The following CASZ1 variants were observed in gnomAD, a reference collection of about 807,000 sequenced individuals.
CASZ1 encodes the protein zinc finger protein castor homolog 1.
CASZ1 carries 28 observed loss-of-function variants against 135.2 expected under a neutral mutation model. That is an observed-to-expected ratio of 0.21 (90% confidence interval 0.15 to 0.28). CASZ1 has a LOEUF of 0.28. Among genes scored for constraint, CASZ1 ranks in the 10% least tolerant of loss-of-function variants. CASZ1 has a pLI of 1.00. For synonymous variants in CASZ1, 1,068 were observed against 1,073.4 expected (o/e 0.99, Z 0.10); for missense variants, 2,161 against 2,453.3 (o/e 0.88, Z 2.52).
In CASZ1 at chr1:10,676,970, G is replaced by T. The variant is rs1156736680; in HGVS notation, c.17-11399C>A. On this transcript the variant is annotated intron_variant, in intron 4 of 20. Coordinates refer to ENST00000377022, the MANE Select transcript of CASZ1 (RefSeq NM_001079843.3). The surrounding 1 kb of genome is among the most constrained non-coding windows in gnomAD (Gnocchi z 4.5). ...CCCTGTGGGCACAGCCAGTCAGGGG[G>T]TGCAGGGCCCCACAGACTTCAGTGC... 6.6e-6 allele frequency among the ~76,000 whole-genome samples: 1 copy of T among 152,242 alleles called. No individual in the cohort carries two copies. The highest frequency in any genetic ancestry group is 1.5e-5 in the Non-Finnish European group (1 of 68,036).
At chr1:10,765,275 A>C (rs1412781743) in intron 1 of CASZ1, among the ~76,000 whole-genome samples, 3 of 151,968 alleles carry the variant, frequency 2.0e-5, no homozygotes, top group Non-Finnish European at 4.4e-5. Flanking sequence ...GTGGTGGAAG[A>C]TAAGCCCGGG....
At chr1:10,714,966 T>C (rs781077339) in intron 2 of CASZ1, among the ~76,000 whole-genome samples, 1 of 152,160 alleles carries the variant, frequency 6.6e-6, no homozygotes, top group Non-Finnish European at 1.5e-5. Flanking sequence ...GGAATTCCTA[T>C]GAGACCCACC....
rs746886067 is a variant in CASZ1, at chr1:10,639,131, GTCGTCCTCGTCC to G, written c.5079_5090del (p.Glu1693_Asp1696del). On this transcript the variant is annotated inframe_deletion, in exon 21 of 21. Transcript: ENST00000377022. This position sits in a 1 kb window ranked among gnomAD's most constrained non-coding sequence, Gnocchi z 4.0. ...CGTCCTCGTCGTCGTCGTCCTCGTCGTCGTCCTCGTCCTCGTCGTCTTCGGCCTCCTCCTCCG... is the reference window on the plus strand; with the variant it reads ...CGTCCTCGTCGTCGTCGTCCTCGTCGTCGTCGTCTTCGGCCTCCTCCTCCG... 11 of 1,133,364 alleles carry G rather than the reference GTCGTCCTCGTCC, an allele frequency of 9.7e-6. No individual in the cohort carries two copies. Among genetic ancestry groups the G allele is most frequent in the African/African-American group, 5.1e-5 (3 of 59,082 alleles). 70.2% of individuals were successfully genotyped at this position (1,133,364 alleles called of 1,614,324 possible). A position where few individuals can be genotyped will look rare whatever the true frequency, so the allele number is the denominator to read the frequency against.
intron 4 of CASZ1, among the ~76,000 whole-genome samples, chr1:10,692,721 C>G (rs1295479043): frequency 6.6e-6 from 1 of 152,210 alleles, no homozygotes; most frequent in Non-Finnish European, 1.5e-5. Flanking sequence ...TCCTCATCCC[C>G]TCAGGGCTGC....
intron 4 of CASZ1, among the ~76,000 whole-genome samples, chr1:10,692,177 C>T (rs897960711): frequency 3.3e-5 from 5 of 152,188 alleles, no homozygotes; most frequent in South Asian, 2.1e-4. Context: ...ACTGTCCCCA[C>T]GACAGACTTG....
chr1:10,645,113 G>C (rs1236808439), intron 17 of CASZ1, 25 bp from the exon 18 acceptor site: 2 of 1,605,274 alleles, frequency 1.2e-6, no homozygotes, highest in African/African-American at 2.7e-5. Context: ...GGGAGGGTCA[G>C]GACAGGCGGG....
rs576435395 is a variant in CASZ1, at chr1:10,746,930, A to G, written c.-77+13771T>C. ...CCCAGGAGCCGTTTTCCAGGCTCCC[A>G]CTCCCTGCCCCTTCTCTAGGGCCCA... On this transcript the variant is annotated intron_variant, in intron 2 of 20. Coordinates refer to ENST00000377022, the MANE Select transcript of CASZ1 (RefSeq NM_001079843.3). Among the ~76,000 whole-genome samples, 3 of 152,060 alleles carry G rather than the reference A, an allele frequency of 2.0e-5. No homozygotes were observed. The East Asian group carries it at 5.8e-4, about 29-fold the overall frequency.
At chr1:10,645,730 G>A (rs1273866402) in intron 17 of CASZ1, among the ~76,000 whole-genome samples, 3 of 152,306 alleles carry the variant, frequency 2.0e-5, no homozygotes, top group African/African-American at 7.2e-5. Flanking sequence ...AGCCCCTCCT[G>A]GTCTTGGGAG....
intron 1 of CASZ1, among the ~76,000 whole-genome samples, chr1:10,772,788 G>A (rs984300804): frequency 2.0e-5 from 3 of 152,174 alleles, no homozygotes; most frequent in Non-Finnish European, 4.4e-5. Context: ...AGAACCCCAC[G>A]CTGGCCACTT....
intron 2 of CASZ1, among the ~76,000 whole-genome samples, chr1:10,732,906 G>A (rs953210938): frequency 3.3e-5 from 5 of 152,074 alleles, no homozygotes; most frequent in Admixed American, 3.3e-4. Context: ...GGATGCCCTG[G>A]GCCCCTTCCC....
rs147443283 is a variant in CASZ1 at position 10,662,874 on chromosome 1, G to A, written c.505+2209C>T. Reference sequence around the variant, plus strand: ...CTGCCCTGGGTCTCTCGGAATGAGGGAGAAGGCGGTCAGTCCCAGGCTAAT... The same window carrying A: ...CTGCCCTGGGTCTCTCGGAATGAGGAAGAAGGCGGTCAGTCCCAGGCTAAT... On this transcript the variant is annotated intron_variant, in intron 5 of 20. Transcript: ENST00000377022. Among the ~76,000 whole-genome samples, 783 of 152,286 alleles carry A rather than the reference G, an allele frequency of 5.1e-3. 13 individuals are homozygous for A. The highest frequency in any genetic ancestry group is 0.017 in the African/African-American group (723 of 41,546).
At chr1:10,644,636 A>G (rs1261859496) in intron 18 of CASZ1, among the ~76,000 whole-genome samples, 2 of 152,258 alleles carry the variant, frequency 1.3e-5, no homozygotes, top group Non-Finnish European at 2.9e-5. Context: ...AACCACGCCC[A>G]GGCCCTGGAT....
rs952242364 is a variant in CASZ1 at position 10,756,426 on chromosome 1, C to A, written c.-77+4275G>T. On this transcript the variant is annotated intron_variant, in intron 2 of 20. Transcript: ENST00000377022. This position sits in a 1 kb window ranked among gnomAD's most constrained non-coding sequence, Gnocchi z 5.9. ...CATATGGCTGGGAATACGTTGCCAG[C>A]AAGGGCAAGTGCTCACGCGAGCCCG... Among the ~76,000 whole-genome samples, 7 of 152,226 alleles carry A rather than the reference C, an allele frequency of 4.6e-5. No homozygotes were observed. Among genetic ancestry groups the A allele is most frequent in the Non-Finnish European group, 1.0e-4 (7 of 68,036 alleles).
At chr1:10,704,683 GT>G (rs1639134430) in intron 3 of CASZ1, 1 of 152,308 alleles carries the variant, frequency 6.6e-6, no homozygotes, top group South Asian at 2.1e-4. Context: ...TGCCGTGTCT[GT>G]CCCCCGCCCC....
rs545327944 is a variant in CASZ1, at chr1:10,697,877, C to T, written c.-23-3965G>A. 6.6e-6 allele frequency among the ~76,000 whole-genome samples: 1 copy of T among 152,322 alleles called. No homozygotes were observed. The highest frequency in any genetic ancestry group is 2.1e-4 in the South Asian group (1 of 4,830). On this transcript the variant is annotated intron_variant, in intron 3 of 20. Coordinates refer to ENST00000377022, the MANE Select transcript of CASZ1 (RefSeq NM_001079843.3). The surrounding 1 kb of genome is among the most constrained non-coding windows in gnomAD (Gnocchi z 4.7). The stretch of plus-strand genomic sequence containing the variant: ...GCATGTTCGCACCTGCGAGGGAGTC[C>T]GTGTGTTTGCGTGTGAGCCCGCTCC...
In CASZ1 at chr1:10,757,595, C is replaced by T. The variant is rs771802148; in HGVS notation, c.-77+3106G>A. ...TTGAGGTTAGGAGTTTGAGACCAGC[C>T]TGGCCAACATGGTGAAACCCCGTCT... On this transcript the variant is annotated intron_variant, in intron 2 of 20. Transcript: ENST00000377022. The surrounding 1 kb of genome is among the most constrained non-coding windows in gnomAD (Gnocchi z 4.6). Among the ~76,000 whole-genome samples, 16 of 152,184 alleles carry T rather than the reference C, an allele frequency of 1.1e-4. No homozygotes were observed. Among genetic ancestry groups the T allele is most frequent in the Non-Finnish European group, 1.8e-4 (12 of 68,026 alleles).
chr1:10,733,442 T>G (rs1639739988), intron 2 of CASZ1, among the ~76,000 whole-genome samples: 1 of 152,146 alleles, frequency 6.6e-6, no homozygotes. Flanking sequence ...CCTGCACGCC[T>G]GTCCATCCCA....
chr1:10,706,665 G>A lies in CASZ1; in HGVS notation c.-76-1121C>T, dbSNP rs1255223607. Reference sequence around the variant, plus strand: ...TGTACTTGACACGTCCTCTTAAGGAGGGCTCGGCTCTCCACCAGCTTTCGC... The same window carrying A: ...TGTACTTGACACGTCCTCTTAAGGAAGGCTCGGCTCTCCACCAGCTTTCGC... On this transcript the variant is annotated intron_variant, in intron 2 of 20. Transcript: ENST00000377022. The surrounding 1 kb of genome is among the most constrained non-coding windows in gnomAD (Gnocchi z 4.3). Among the ~76,000 whole-genome samples, 1 of 152,204 alleles carries A rather than the reference G, an allele frequency of 6.6e-6. No homozygotes were observed. Among genetic ancestry groups the A allele is most frequent in the Non-Finnish European group, 1.5e-5 (1 of 68,038 alleles).
chr1:10,689,698 G>A (rs1173870743), intron 4 of CASZ1, among the ~76,000 whole-genome samples: 4 of 152,180 alleles, frequency 2.6e-5, no homozygotes, highest in African/African-American at 9.7e-5. Context: ...ACAGCCCAGA[G>A]CTGCCTGTCT....
Sources: allele counts gnomAD v4.1 joint callset (sites outside exome capture counted in the v4.1 genomes callset), GRCh38; gene constraint gnomAD v4.1.1; non-coding constraint Gnocchi (gnomAD v3.1); transcripts MANE v1.5; gene names NCBI Gene and HGNC (gene_info 2026-07-23, HGNC 2026-07-21).